The following RNF152 variants were observed in gnomAD, a reference collection of about 807,000 sequenced individuals.
RNF152 encodes ring finger protein 152, also known as E3 ubiquitin-protein ligase RNF152.
In RNF152, 11 loss-of-function variants were observed where a neutral mutation model predicts 12.7. The observed-to-expected ratio is 0.86, with a 90% CI of 0.54 to 1.43. RNF152 has a LOEUF of 1.43. Among genes scored for constraint, RNF152 ranks in the 40% most tolerant of loss-of-function variants. The pLI, the probability that RNF152 is intolerant of heterozygous loss-of-function variation, is 0.00. For synonymous variants in RNF152, 113 were observed against 120.3 expected, an observed-to-expected ratio of 0.94 and a Z score of 0.40; for missense variants, 255 against 274.8, an observed-to-expected ratio of 0.93 and a Z score of 0.51.
rs1908988203 is a variant in RNF152 at position 61,814,877 on chromosome 18, G to A, written c.*975C>T. The A allele has an allele frequency of 6.6e-6, 1 of 152,192 alleles. No individual in the cohort carries two copies. The highest frequency in any genetic ancestry group is 2.4e-5 in the African/African-American group (1 of 41,438). 9.4% of individuals were successfully genotyped at this position (152,192 alleles called of 1,614,324 possible). A position where few individuals can be genotyped will look rare whatever the true frequency, so the allele number is the denominator to read the frequency against. ...ATGCAGGACTTAAATACACAGAAGAGGAGCGAGTGTTGCAGGTGACGTGTA... is the reference window on the plus strand; with the variant it reads ...ATGCAGGACTTAAATACACAGAAGAAGAGCGAGTGTTGCAGGTGACGTGTA... On this transcript the variant is annotated 3_prime_UTR_variant, in exon 2 of 2. Coordinates refer to ENST00000312828, the MANE Select transcript of RNF152 (RefSeq NM_173557.3).
chr18:61,817,962 G>A (rs1909192848), intron 1 of RNF152, among the ~76,000 whole-genome samples: 1 of 152,096 alleles, frequency 6.6e-6, no homozygotes, highest in Non-Finnish European at 1.5e-5. Context: ...AGAAAAAATT[G>A]CTAGTCCTAG....
At chr18:61,834,081 C>T (rs537928351) in intron 1 of RNF152, among the ~76,000 whole-genome samples, 45 of 152,346 alleles carry the variant, frequency 3.0e-4, no homozygotes, top group African/African-American at 1.1e-3. Flanking sequence ...AAAGATGTGA[C>T]CCCTGGGTAG....
At chr18:61,836,570 C>T (rs1029340964) in intron 1 of RNF152, among the ~76,000 whole-genome samples, 2 of 152,138 alleles carry the variant, frequency 1.3e-5, no homozygotes, top group Non-Finnish European at 2.9e-5. Flanking sequence ...AAGGTTCCCA[C>T]CCGAATCTGA....
At chr18:61,848,537 C>G (rs566721505) in intron 1 of RNF152, among the ~76,000 whole-genome samples, 9 of 152,308 alleles carry the variant, frequency 5.9e-5, no homozygotes, top group African/African-American at 2.2e-4. Context: ...CCAGGCTGTA[C>G]GTGGCCTCAG....
intron 1 of RNF152, among the ~76,000 whole-genome samples, chr18:61,864,864 C>CA (rs1166855243): frequency 6.6e-6 from 1 of 152,110 alleles, no homozygotes; most frequent in Non-Finnish European, 1.5e-5. Flanking sequence ...ACTAAAAATA[C>CA]AAAAAATTAG....
At chr18:61,831,282 C>T (rs1335648300) in intron 1 of RNF152, among the ~76,000 whole-genome samples, 1 of 152,218 alleles carries the variant, frequency 6.6e-6, no homozygotes, top group Non-Finnish European at 1.5e-5. Context: ...CCACTCTAAA[C>T]CCTGGGCTGT....
intron 1 of RNF152, among the ~76,000 whole-genome samples, chr18:61,857,876 C>T (rs2144709141): frequency 6.6e-6 from 1 of 152,262 alleles, no homozygotes; most frequent in Non-Finnish European, 1.5e-5. Context: ...CAAAATAACA[C>T]ATTTGCCTTG....
intron 1 of RNF152, among the ~76,000 whole-genome samples, chr18:61,838,282 T>A (rs1004856512): frequency 1.3e-5 from 2 of 152,248 alleles, no homozygotes; most frequent in South Asian, 4.1e-4. Context: ...TGAATTAATA[T>A]GAAACACAAA....
intron 1 of RNF152, among the ~76,000 whole-genome samples, chr18:61,844,414 T>C (rs1483241571): frequency 6.6e-6 from 1 of 152,176 alleles, no homozygotes; most frequent in Non-Finnish European, 1.5e-5. Context: ...TAACAGACTA[T>C]TGGAAAATCA....
At chr18:61,858,332 G>A (rs1020382345) in intron 1 of RNF152, among the ~76,000 whole-genome samples, 1 of 151,060 alleles carries the variant, frequency 6.6e-6, no homozygotes, top group African/African-American at 2.4e-5. Flanking sequence ...TATCTCCCCT[G>A]GAACCATATA....
chr18:61,832,781 C>T (rs187164713), intron 1 of RNF152, among the ~76,000 whole-genome samples: 11 of 152,308 alleles, frequency 7.2e-5, no homozygotes, highest in Admixed American at 7.2e-4. Flanking sequence ...GTGTTTAGAG[C>T]CCACCATATT....
intron 1 of RNF152, among the ~76,000 whole-genome samples, chr18:61,871,478 A>AG (rs753710136): frequency 1.1e-4 from 17 of 152,174 alleles, no homozygotes; most frequent in Non-Finnish European, 2.4e-4. Context: ...CAGAACACAG[A>AG]GGGTCAGCAA....
At chr18:61,854,151 A>G (rs1302300637) in intron 1 of RNF152, among the ~76,000 whole-genome samples, 1 of 152,124 alleles carries the variant, frequency 6.6e-6, no homozygotes, top group Admixed American at 6.5e-5. Context: ...CCAAGCTTCC[A>G]CTATACAGTT....
intron 1 of RNF152, among the ~76,000 whole-genome samples, chr18:61,822,486 T>C (rs1465612350): frequency 6.6e-6 from 1 of 152,194 alleles, no homozygotes; most frequent in Non-Finnish European, 1.5e-5. Flanking sequence ...GGTACAGGTG[T>C]GACAAAGTGC....
At chr18:61,854,609 G>A (rs1471495479) in intron 1 of RNF152, among the ~76,000 whole-genome samples, 2 of 152,142 alleles carry the variant, frequency 1.3e-5, no homozygotes, top group South Asian at 2.1e-4. Context: ...TCTTTTGAAC[G>A]AGGTATTATT....
chr18:61,817,353 G>A, intron 1 of RNF152, among the ~76,000 whole-genome samples: 1 of 152,158 alleles, frequency 6.6e-6, no homozygotes, highest in East Asian at 1.9e-4. Context: ...TACTACTTAG[G>A]CTTGTACCAA....
At chr18:61,835,358 C>T (rs773895953) in intron 1 of RNF152, among the ~76,000 whole-genome samples, 13 of 152,130 alleles carry the variant, frequency 8.5e-5, no homozygotes, top group African/African-American at 1.4e-4. Flanking sequence ...TTATGAATGG[C>T]TTTGGAATAG....
chr18:61,837,270 A>G (rs998595038), intron 1 of RNF152, among the ~76,000 whole-genome samples: 7 of 152,232 alleles, frequency 4.6e-5, no homozygotes, highest in African/African-American at 1.7e-4. Flanking sequence ...AGATGAGGAA[A>G]CCAAATTTAA....
intron 1 of RNF152, among the ~76,000 whole-genome samples, chr18:61,847,236 A>T (rs887745273): frequency 2.6e-5 from 4 of 152,212 alleles, no homozygotes; most frequent in African/African-American, 9.6e-5. Flanking sequence ...AAAAGCAAAA[A>T]TACATCTAAC....
Sources: allele counts gnomAD v4.1 joint callset (sites outside exome capture counted in the v4.1 genomes callset), GRCh38; gene constraint gnomAD v4.1.1; transcripts MANE v1.5; gene names NCBI Gene and HGNC (gene_info 2026-07-23, HGNC 2026-07-21).